ACOX3: variants seen among roughly 807,000 people sequenced by gnomAD.
ACOX3 encodes the protein peroxisomal acyl-coenzyme A oxidase 3.
In ACOX3, 73 loss-of-function variants were observed where a neutral mutation model predicts 81.5. The observed-to-expected ratio is 0.90, with a 90% CI of 0.74 to 1.09. The LOEUF (loss-of-function observed/expected upper bound fraction) is 1.09. Ranked by LOEUF, ACOX3 falls within the 50% of genes least tolerant of loss-of-function variation. The pLI is 0.00. For synonymous variants in ACOX3, 387 were observed against 375.1 expected (o/e 1.03, Z -0.37); for missense variants, 947 against 928.0 (o/e 1.02, Z -0.27).
downstream of ACOX3, among the ~76,000 whole-genome samples, chr4:8,362,926 C>A (rs183580040): frequency 7.2e-5 from 11 of 152,066 alleles, 1 homozygote; most frequent in Middle Eastern, 0.014. Flanking sequence ...AACAATCAGG[C>A]CAAGTATAAT....
At position 8,425,518 on chromosome 4, in the gene ACOX3, T is replaced by C. The variant is rs111343339; in HGVS notation, c.-14-8983A>G. On this transcript the variant is annotated intron_variant, in intron 1 of 17. Coordinates refer to ENST00000356406, the MANE Select transcript of ACOX3 (RefSeq NM_003501.3). ...GACGGCCAAATCATTATTAACTGGA[T>C]CAGGACTTTTCAAAACTATCAAGCA... Among the ~76,000 whole-genome samples, 6 of 151,218 alleles carry C rather than the reference T, an allele frequency of 4.0e-5. 1 individual carries two copies. Among genetic ancestry groups the C allele is most frequent in the African/African-American group, 1.5e-4 (6 of 41,144 alleles).
In ACOX3 at chr4:8,368,453, G is replaced by C. The variant is rs1458113596; in HGVS notation, c.1984-1373C>G. 2.0e-5 allele frequency among the ~76,000 whole-genome samples: 3 copies of C among 152,210 alleles called. No individual in the cohort carries two copies. The highest frequency in any genetic ancestry group is 2.0e-4 in the Admixed American group (3 of 15,282). ...GTCTATTGTGTATCCAGCTTACGCT[G>C]ACCCATTTTATTGAGAAGAAACCCC... On this transcript the variant is annotated intron_variant, in intron 17 of 17. Transcript: ENST00000356406. The surrounding 1 kb of genome is among the most constrained non-coding windows in gnomAD (Gnocchi z 5.9).
In ACOX3 at chr4:8,437,237, GCCA is replaced by G. The variant is rs1724305610; in HGVS notation, c.-15+3408_-15+3410del. 6.6e-6 allele frequency among the ~76,000 whole-genome samples: 1 copy of G among 151,044 alleles called. No individual in the cohort carries two copies. Among genetic ancestry groups the G allele is most frequent in the Non-Finnish European group, 1.5e-5 (1 of 67,896 alleles). On this transcript the variant is annotated intron_variant, in intron 1 of 17. Coordinates refer to ENST00000356406, the MANE Select transcript of ACOX3 (RefSeq NM_003501.3). This position sits in a 1 kb window ranked among gnomAD's most constrained non-coding sequence, Gnocchi z 5.2. ...GAATATCACCCAGTCTATAAAAGTG[GCCA>G]CCAAGGCGTATGTTAGCTGTGACCA...
chr4:8,359,488 C>T, the ACOX3 span, among the ~76,000 whole-genome samples: 10 of 152,280 alleles, frequency 6.6e-5, no homozygotes, highest in South Asian at 2.1e-4. This position sits in a 1 kb window ranked among gnomAD's most constrained non-coding sequence, Gnocchi z 6.0. Context: ...TCAGTAAAGT[C>T]GCTTCTGGCT....
At chr4:8,438,240 C>T (rs979402979) in intron 1 of ACOX3, among the ~76,000 whole-genome samples, 2 of 152,174 alleles carry the variant, frequency 1.3e-5, no homozygotes, top group African/African-American at 2.4e-5. Flanking sequence ...CTGCCTCTAA[C>T]TTTAAAGTCA....
In ACOX3 at chr4:8,410,216, A is replaced by C. The variant is rs1462577515; in HGVS notation, c.683T>G (p.Val228Gly). ...AGGGCCACCCCAGCGTCCTACCTGC[A>C]CGATAAAGGGATGCAGCCCATGGCA... ...DQCHGLHPFI[V>G]QIRDPKTLLP... The change falls in exon 6 of 18, where the codon GTG (valine) becomes GGG (glycine). Residue 228 changes from valine (V) to glycine (G), a missense_variant. Physicochemically the swap from Val to Gly is moderately radical, Grantham distance 109. Transcript: ENST00000356406. 6.2e-7 allele frequency: 1 copy of C among 1,613,842 alleles called. No homozygotes were observed. The highest frequency in any genetic ancestry group is 1.1e-5 in the South Asian group (1 of 91,080).
At chr4:8,362,366 T>C (rs972759717), downstream of ACOX3, among the ~76,000 whole-genome samples, 1 of 152,272 alleles carries the variant, frequency 6.6e-6, no homozygotes, top group African/African-American at 2.4e-5. Context: ...TTGAGCTATG[T>C]ACAGCTTTTA....
rs993568369 is a variant in ACOX3, at chr4:8,400,321, C to A, written c.777-669G>T. On this transcript the variant is annotated intron_variant, in intron 7 of 17. Coordinates refer to ENST00000356406, the MANE Select transcript of ACOX3 (RefSeq NM_003501.3). The surrounding 1 kb of genome is among the most constrained non-coding windows in gnomAD (Gnocchi z 4.4). ...TATATGGTAAGTTGTACTCCAAGTACAGAACTCCAGATATTCAACAGAAAA... is the reference window on the plus strand; with the variant it reads ...TATATGGTAAGTTGTACTCCAAGTAAAGAACTCCAGATATTCAACAGAAAA... Among the ~76,000 whole-genome samples the A allele has an allele frequency of 2.0e-5, 3 of 151,818 alleles. No homozygotes were observed. Among genetic ancestry groups the A allele is most frequent in the Admixed American group, 1.3e-4 (2 of 15,238 alleles).
intron 9 of ACOX3, among the ~76,000 whole-genome samples, 198 bp downstream of exon 9, chr4:8,396,739 G>A (rs528346710): frequency 4.8e-4 from 72 of 148,742 alleles, no homozygotes; most frequent in African/African-American, 1.8e-3. Flanking sequence ...TGGCTACTTC[G>A]TATCTACTCT....
intron 1 of ACOX3, among the ~76,000 whole-genome samples, chr4:8,425,926 C>T (rs1723435497): frequency 6.6e-6 from 1 of 151,990 alleles, no homozygotes. Flanking sequence ...GGCCACAATC[C>T]TCAGGGAAGG....
At chr4:8,377,933 C>A (rs917814151) in intron 14 of ACOX3, among the ~76,000 whole-genome samples, 1 of 152,196 alleles carries the variant, frequency 6.6e-6, no homozygotes, top group Non-Finnish European at 1.5e-5. Context: ...GGGAGCCCCA[C>A]TGCCCCCACC....
At position 8,366,795 on chromosome 4, in the gene ACOX3, C is replaced by T. The variant is rs1715500863; in HGVS notation, c.*166G>A. ...ATTAGTCCAGCCGGCCGGGTGCCTC[C>T]CTCCCGTCCGCCTGGGCAGTTGAGG... On this transcript the variant is annotated 3_prime_UTR_variant, in exon 18 of 18. Coordinates refer to ENST00000356406, the MANE Select transcript of ACOX3 (RefSeq NM_003501.3). 2.2e-6 allele frequency: 2 copies of T among 893,040 alleles called. No homozygotes were observed. The highest frequency in any genetic ancestry group is 3.3e-6 in the Non-Finnish European group (2 of 610,434). The allele number at this position is 893,040 out of a possible 1,614,324, so 55.3% of individuals were successfully genotyped here.
rs1447419640 is a variant in ACOX3 at position 8,437,893 on chromosome 4, G to A, written c.-15+2755C>T. On this transcript the variant is annotated intron_variant, in intron 1 of 17. Transcript: ENST00000356406. This position sits in a 1 kb window ranked among gnomAD's most constrained non-coding sequence, Gnocchi z 5.2. ...GGCAGACTAGGCACCTTCTTATTAGGCTCCCAGGAGCCCATTGTCACATTA... is the reference window on the plus strand; with the variant it reads ...GGCAGACTAGGCACCTTCTTATTAGACTCCCAGGAGCCCATTGTCACATTA... 6.6e-6 allele frequency among the ~76,000 whole-genome samples: 1 copy of A among 152,184 alleles called. No homozygotes were observed. Among genetic ancestry groups the A allele is most frequent in the African/African-American group, 2.4e-5 (1 of 41,448 alleles).
chr4:8,416,287 G>C lies in ACOX3; in HGVS notation c.144+91C>G. ...CTGGGATGAGCCTCGCCCGGCAGAG[G>C]AGGAGCTGTGAGAGCCAGAAATCCC... On this transcript the variant is annotated intron_variant, in intron 2 of 17. Coordinates refer to ENST00000356406, the MANE Select transcript of ACOX3 (RefSeq NM_003501.3). The surrounding 1 kb of genome is among the most constrained non-coding windows in gnomAD (Gnocchi z 4.2). 1 of 1,604,412 alleles carries C rather than the reference G, an allele frequency of 6.2e-7. No individual in the cohort carries two copies. Among genetic ancestry groups the C allele is most frequent in the Non-Finnish European group, 8.5e-7 (1 of 1,173,912 alleles).
At chr4:8,438,868 T>C (rs1201700635) in intron 1 of ACOX3, 1 of 152,214 alleles carries the variant, frequency 6.6e-6, no homozygotes, top group Non-Finnish European at 1.5e-5. Flanking sequence ...CCTACCCGGC[T>C]GATTCGGAGA....
At chr4:8,371,804 G>A (rs117940676) in intron 16 of ACOX3, among the ~76,000 whole-genome samples, 2 of 152,398 alleles carry the variant, frequency 1.3e-5, no homozygotes, top group East Asian at 3.9e-4. Context: ...GAGCACAGGC[G>A]CTGAGCCCGA....
intron 1 of ACOX3, among the ~76,000 whole-genome samples, chr4:8,427,896 T>TCA (rs1000596238): frequency 4.9e-4 from 74 of 152,240 alleles, no homozygotes; most frequent in Non-Finnish European, 9.9e-4. Context: ...AATATGGTGA[T>TCA]GTCTGCCTAG....
chr4:8,419,410 G>T lies in ACOX3; in HGVS notation c.-14-2875C>A, dbSNP rs1355477991. ...GATTGCGCCACTGCACTCCAGCCTG[G>T]GTGACAGAGTGAAACTCTGTCTCAA... On this transcript the variant is annotated intron_variant, in intron 1 of 17. Transcript: ENST00000356406. The surrounding 1 kb of genome is among the most constrained non-coding windows in gnomAD (Gnocchi z 4.2). Among the ~76,000 whole-genome samples the T allele has an allele frequency of 1.3e-5, 2 of 151,656 alleles. No individual in the cohort carries two copies. The highest frequency in any genetic ancestry group is 4.9e-5 in the African/African-American group (2 of 41,226).
At position 8,405,875 on chromosome 4, in the gene ACOX3, C is replaced by T; in HGVS notation, c.776+80G>A. The T allele has an allele frequency of 7.3e-7, 1 of 1,376,426 alleles. No individual in the cohort carries two copies. The highest frequency in any genetic ancestry group is 1.7e-5 in the Admixed American group (1 of 59,602). The allele number at this position is 1,376,426 out of a possible 1,614,324, so 85.3% of individuals were successfully genotyped here. Reference sequence around the variant, plus strand: ...GGGCAGGGCATGGCATCCATGGGGCCAGTGAGATCTCAGACATGAGCGACA... The same window carrying T: ...GGGCAGGGCATGGCATCCATGGGGCTAGTGAGATCTCAGACATGAGCGACA... On this transcript the variant is annotated intron_variant, in intron 7 of 17. Transcript: ENST00000356406. This position sits in a 1 kb window ranked among gnomAD's most constrained non-coding sequence, Gnocchi z 7.1.
Sources: gnomAD v4.1 joint callset for allele counts (sites outside exome capture counted in the v4.1 genomes callset) on GRCh38, gnomAD v4.1.1 for gene constraint, Gnocchi (gnomAD v3.1) non-coding constraint, MANE v1.5 for transcripts, NCBI Gene and HGNC (gene_info 2026-07-23, HGNC 2026-07-21) for gene names.